SGCZ: variants seen among roughly 807,000 people sequenced by gnomAD.
SGCZ encodes the protein sarcoglycan zeta, also known as zeta-sarcoglycan.
In SGCZ, 40 loss-of-function variants were observed where a neutral mutation model predicts 41.3. That is an observed-to-expected ratio of 0.97 (90% confidence interval 0.75 to 1.26). SGCZ has a LOEUF of 1.26. Ranked by LOEUF, SGCZ falls within the 50% of genes most tolerant of loss-of-function variation. The probability of loss-of-function intolerance (pLI) is 0.00; values close to 1 mark genes in which losing one functional copy is unlikely to be tolerated. For synonymous variants in SGCZ, 206 were observed against 137.5 expected (o/e 1.50, Z -3.49); for missense variants, 552 against 369.8 (o/e 1.49, Z -4.04).
chr8:15,111,694 G>T (rs1807063418), intron 1 of SGCZ, among the ~76,000 whole-genome samples: 1 of 152,130 alleles, frequency 6.6e-6, no homozygotes. Flanking sequence ...GAGGTCAAGA[G>T]ATGGAGACCA....
At chr8:14,666,227 A>G (rs975174626) in intron 1 of SGCZ, among the ~76,000 whole-genome samples, 1 of 152,194 alleles carries the variant, frequency 6.6e-6, no homozygotes, top group Non-Finnish European at 1.5e-5. Context: ...AAATGTTTGT[A>G]GGGCATAAAA....
intron 3 of SGCZ, among the ~76,000 whole-genome samples, chr8:14,300,909 G>C (rs1801163433): frequency 6.6e-6 from 1 of 151,910 alleles, no homozygotes; most frequent in Admixed American, 6.6e-5. Context: ...GGCCAAACAA[G>C]AGTAGATTTA....
At chr8:15,006,151 C>T (rs907279861) in intron 1 of SGCZ, among the ~76,000 whole-genome samples, 1 of 152,040 alleles carries the variant, frequency 6.6e-6, no homozygotes, top group Non-Finnish European at 1.5e-5. Context: ...AAATACAAAA[C>T]ATATTTTAAT....
In SGCZ at chr8:14,222,199, C is replaced by G. The variant is rs140055352; in HGVS notation, c.424+15393G>C. 1.1e-3 allele frequency among the ~76,000 whole-genome samples: 165 copies of G among 152,130 alleles called. 5 individuals carry two copies. In the East Asian group the frequency reaches 0.029, roughly 27 times the overall value. On this transcript the variant is annotated intron_variant, in intron 4 of 7. Transcript: ENST00000382080. ...TTTGTTTTGTTTTTTGAGGCACAGT[C>G]TTGCTCTGTTGCTCAGGCTGGAGTG...
intron 1 of SGCZ, among the ~76,000 whole-genome samples, chr8:14,603,413 A>G (rs189817149): frequency 6.6e-6 from 1 of 152,278 alleles, no homozygotes; most frequent in African/African-American, 2.4e-5. Context: ...GTTGTTATCT[A>G]TATAAAGATT....
intron 2 of SGCZ, among the ~76,000 whole-genome samples, chr8:14,412,051 T>C (rs945091518): frequency 1.3e-5 from 2 of 152,094 alleles, no homozygotes; most frequent in Admixed American, 6.6e-5. Flanking sequence ...ATCCTTCCCA[T>C]AAAGCCAGTG....
chr8:15,092,583 G>A lies in SGCZ; in HGVS notation c.39+145002C>T, dbSNP rs1434565318. On this transcript the variant is annotated intron_variant, in intron 1 of 7. Transcript: ENST00000382080. ...AAAGAAAATAAATTCTTTAAAATCT[G>A]TTTTGTATATTAACATCTGGATACT... Among the ~76,000 whole-genome samples the A allele has an allele frequency of 2.6e-5, 4 of 152,214 alleles. No homozygotes were observed. The East Asian group carries it at 7.7e-4, about 29-fold the overall frequency.
chr8:14,896,247 T>C (rs1805194887), intron 1 of SGCZ, among the ~76,000 whole-genome samples: 1 of 152,174 alleles, frequency 6.6e-6, no homozygotes, highest in Admixed American at 6.5e-5. Flanking sequence ...AAAGAGGATA[T>C]GCTTTTTAGT....
intron 1 of SGCZ, among the ~76,000 whole-genome samples, chr8:14,617,952 T>C (rs2117360135): frequency 1.3e-5 from 2 of 151,980 alleles, no homozygotes; most frequent in South Asian, 4.1e-4. Context: ...GCAGATAAAA[T>C]AGATATTATT....
intron 2 of SGCZ, among the ~76,000 whole-genome samples, chr8:14,496,859 A>G (rs1802002593): frequency 6.6e-6 from 1 of 152,222 alleles, no homozygotes; most frequent in South Asian, 2.1e-4. Context: ...TTTCTTAAAG[A>G]GTATTATGAT....
At chr8:14,420,327 T>C (rs1799605256) in intron 2 of SGCZ, among the ~76,000 whole-genome samples, 1 of 152,064 alleles carries the variant, frequency 6.6e-6, no homozygotes, top group African/African-American at 2.4e-5. Flanking sequence ...AAAGGGCTAA[T>C]AACCATCACT....
At chr8:14,322,887 C>T (rs1425513692) in intron 3 of SGCZ, among the ~76,000 whole-genome samples, 2 of 152,074 alleles carry the variant, frequency 1.3e-5, no homozygotes, top group African/African-American at 4.8e-5. Context: ...CATGTGTAAC[C>T]AGGCTTTTTG....
intron 1 of SGCZ, among the ~76,000 whole-genome samples, chr8:15,023,543 G>T (rs1585483753): frequency 6.6e-6 from 1 of 152,166 alleles, no homozygotes; most frequent in South Asian, 2.1e-4. Context: ...TCCACTGCCA[G>T]TGTCTGAAAT....
At chr8:14,266,113 G>C (rs1200323219) in intron 3 of SGCZ, among the ~76,000 whole-genome samples, 1 of 152,034 alleles carries the variant, frequency 6.6e-6, no homozygotes, top group African/African-American at 2.4e-5. Context: ...GATTATCCGA[G>C]GACATAAAGA....
intron 1 of SGCZ, among the ~76,000 whole-genome samples, chr8:15,012,799 A>C (rs1382284376): frequency 4.0e-5 from 6 of 148,208 alleles, no homozygotes; most frequent in South Asian, 2.1e-4. Flanking sequence ...GTGTGTGTGC[A>C]TATATATATA....
At chr8:14,435,001 T>G (rs1036396571) in intron 2 of SGCZ, among the ~76,000 whole-genome samples, 1 of 152,158 alleles carries the variant, frequency 6.6e-6, no homozygotes, top group African/African-American at 2.4e-5. Flanking sequence ...GTGTTCATTA[T>G]TTAAAAAAAT....
intron 1 of SGCZ, among the ~76,000 whole-genome samples, chr8:14,777,792 G>A (rs951242479): frequency 3.3e-5 from 5 of 151,236 alleles, no homozygotes; most frequent in Non-Finnish European, 7.4e-5. Context: ...TGGAGTAATA[G>A]AGAAAATAAA....
At chr8:14,124,173 G>C (rs1802782505) in intron 5 of SGCZ, among the ~76,000 whole-genome samples, 3 of 152,108 alleles carry the variant, frequency 2.0e-5, no homozygotes, top group African/African-American at 7.2e-5. Context: ...TAAATTTTTA[G>C]TAATTATAAC....
In SGCZ at chr8:14,118,830, A is replaced by G. The variant is rs1417224118; in HGVS notation, c.548-10595T>C. The stretch of plus-strand genomic sequence containing the variant: ...TTATTAAATAGGGAATCCTTTTCCA[A>G]TTGCTTGTTTTTGTCAGATTTGTCA... On this transcript the variant is annotated intron_variant, in intron 5 of 7. Coordinates refer to ENST00000382080, the MANE Select transcript of SGCZ (RefSeq NM_139167.4). 3.9e-5 allele frequency among the ~76,000 whole-genome samples: 6 copies of G among 152,246 alleles called. No homozygotes were observed. In the South Asian group the frequency reaches 8.3e-4, roughly 21 times the overall value.
Sources: gnomAD v4.1 joint callset for allele counts (sites outside exome capture counted in the v4.1 genomes callset) on GRCh38, gnomAD v4.1.1 for gene constraint, MANE v1.5 for transcripts, NCBI Gene and HGNC (gene_info 2026-07-23, HGNC 2026-07-21) for gene names.